The following CACNA1E variants were observed in gnomAD, a reference collection of about 807,000 sequenced individuals.
CACNA1E encodes the protein voltage-dependent R-type calcium channel subunit alpha-1E.
A neutral mutation model predicts 259.2 loss-of-function variants in CACNA1E; 40 were observed. That is an observed-to-expected ratio of 0.15 (90% CI 0.12 to 0.20). The LOEUF is 0.20. Ranked by LOEUF, CACNA1E falls within the 10% of genes least tolerant of loss-of-function variation. The pLI is 1.00. For synonymous variants in CACNA1E, 1,104 were observed against 1,138.5 expected (o/e 0.97, Z 0.61); for missense variants, 1,874 against 3,040.1 (o/e 0.62, Z 9.02).
At chr1:181,558,215 G>T (rs1456298315) in intron 3 of CACNA1E, among the ~76,000 whole-genome samples, 1 of 152,224 alleles carries the variant, frequency 6.6e-6, no homozygotes, top group Non-Finnish European at 1.5e-5. Context: ...CTCACTGCAA[G>T]AGTTCATATA....
intron 22 of CACNA1E, 48 bp downstream of exon 22, chr1:181,736,482 C>T: frequency 6.4e-7 from 1 of 1,550,674 alleles, no homozygotes; most frequent in South Asian, 1.2e-5. Context: ...GGTAAACGGC[C>T]AGGTGTGAGG....
chr1:181,462,871 T>C (rs914186057), intron 2 of CACNA1E, among the ~76,000 whole-genome samples: 52 of 152,212 alleles, frequency 3.4e-4, no homozygotes, highest in African/African-American at 1.2e-3. Flanking sequence ...CTCCATTGTA[T>C]AAATAAATCA....
At chr1:181,545,521 G>A (rs1302172156) in intron 3 of CACNA1E, among the ~76,000 whole-genome samples, 1 of 152,110 alleles carries the variant, frequency 6.6e-6, no homozygotes, top group Non-Finnish European at 1.5e-5. Flanking sequence ...ACTGAGGTGG[G>A]AGATTTCCTC....
intron 7 of CACNA1E, among the ~76,000 whole-genome samples, chr1:181,700,823 A>T (rs1249543349): frequency 6.6e-6 from 1 of 152,188 alleles, no homozygotes; most frequent in Non-Finnish European, 1.5e-5. Flanking sequence ...CTGTGTATTG[A>T]GTCACGTTTG....
intron 6 of CACNA1E, among the ~76,000 whole-genome samples, chr1:181,623,720 CA>C (rs570456671): frequency 9.9e-4 from 151 of 152,088 alleles, no homozygotes; most frequent in African/African-American, 3.4e-3. Context: ...AACATCGTGT[CA>C]AAAAAACATA....
At chr1:181,322,128 G>A (rs1281006453) in intron 1 of CACNA1E, among the ~76,000 whole-genome samples, 1 of 152,154 alleles carries the variant, frequency 6.6e-6, no homozygotes, top group Non-Finnish European at 1.5e-5. Context: ...GTTCTGGTCT[G>A]GAAAAATTGG....
intron 36 of CACNA1E, chr1:181,771,683 A>G (rs892896457): frequency 4.2e-6 from 2 of 473,736 alleles, no homozygotes; most frequent in Admixed American, 7.3e-5. Flanking sequence ...TTGGCTCAGC[A>G]GTTAATTTGC....
At chr1:181,720,876 TCA>T in intron 15 of CACNA1E, 21 bp downstream of exon 15, 1 of 1,527,320 alleles carries the variant, frequency 6.5e-7, no homozygotes, top group Non-Finnish European at 9.1e-7. Flanking sequence ...AGCTGACGGT[TCA>T]CAAGTGCTGC....
chr1:181,668,448 G>T (rs1220160644), intron 7 of CACNA1E, among the ~76,000 whole-genome samples: 5 of 152,136 alleles, frequency 3.3e-5, no homozygotes, highest in African/African-American at 7.2e-5. Flanking sequence ...CTGCTATGAA[G>T]AACATTTGTG....
chr1:181,341,257 C>T (rs12129743), intron 1 of CACNA1E, among the ~76,000 whole-genome samples: 42,835 of 151,972 alleles, frequency 0.28, 6,224 homozygotes, highest in African/African-American at 0.31. Flanking sequence ...GCTTGGAGCA[C>T]GCCCCACAGC....
chr1:181,370,545 C>T (rs1286742499), intron 1 of CACNA1E, among the ~76,000 whole-genome samples: 2 of 152,174 alleles, frequency 1.3e-5, no homozygotes, highest in Non-Finnish European at 2.9e-5. Context: ...GTTTTCTGTT[C>T]CTACATTAAT....
intron 7 of CACNA1E, among the ~76,000 whole-genome samples, chr1:181,674,906 G>A (rs925118107): frequency 6.6e-6 from 1 of 152,232 alleles, no homozygotes; most frequent in Non-Finnish European, 1.5e-5. Flanking sequence ...GGTGGCTTAT[G>A]TTCAGTGTGG....
chr1:181,730,803 A>G (rs1209564749), intron 18 of CACNA1E, among the ~76,000 whole-genome samples: 2 of 152,256 alleles, frequency 1.3e-5, no homozygotes, highest in Admixed American at 6.5e-5. Context: ...GGGGAGGGGA[A>G]GAAAACTACT....
At chr1:181,612,866 AG>A (rs1654874500) in intron 6 of CACNA1E, among the ~76,000 whole-genome samples, 2 of 152,166 alleles carry the variant, frequency 1.3e-5, no homozygotes, top group African/African-American at 4.8e-5. Flanking sequence ...ATTTTCTAGA[AG>A]TTTTATTGGT....
intron 43 of CACNA1E, among the ~76,000 whole-genome samples, chr1:181,788,688 C>T (rs1661048523): frequency 6.6e-6 from 1 of 152,148 alleles, no homozygotes. Context: ...GGGACCAGAT[C>T]ATGAGGGAGG....
intron 1 of CACNA1E, among the ~76,000 whole-genome samples, chr1:181,318,651 G>A (rs1650102735): frequency 6.6e-6 from 1 of 152,216 alleles, no homozygotes; most frequent in Non-Finnish European, 1.5e-5. Context: ...TGCGCGGATC[G>A]CTGGTGGGGA....
At position 181,602,149 on chromosome 1, in the gene CACNA1E, A is replaced by G. The variant is rs147606854; in HGVS notation, c.951+21373A>G. 3.0e-3 allele frequency among the ~76,000 whole-genome samples: 462 copies of G among 152,324 alleles called. 1 individual carries two copies. Among genetic ancestry groups the G allele is most frequent in the African/African-American group, 0.011 (443 of 41,572 alleles). ...TGTATTTCTCTCCAGAGAGCTTATC[A>G]CTAGCGACCACAGTATATACTTTGC... On this transcript the variant is annotated intron_variant, in intron 6 of 47. Transcript: ENST00000367573.
intron 2 of CACNA1E, among the ~76,000 whole-genome samples, chr1:181,414,040 G>A (rs2102154386): frequency 6.6e-6 from 1 of 152,320 alleles, no homozygotes; most frequent in East Asian, 1.9e-4. Flanking sequence ...AGTGGATGGA[G>A]GAAAATGTCC....
intron 1 of CACNA1E, among the ~76,000 whole-genome samples, chr1:181,401,229 C>T (rs10910931): frequency 0.38 from 57,874 of 151,968 alleles, 11,423 homozygotes; most frequent in Admixed American, 0.46. Context: ...ACTCTGACCA[C>T]ACTGTTTCAG....
Sources: allele counts gnomAD v4.1 joint callset (sites outside exome capture counted in the v4.1 genomes callset), GRCh38; gene constraint gnomAD v4.1.1; transcripts MANE v1.5; gene names NCBI Gene and HGNC (gene_info 2026-07-23, HGNC 2026-07-21).